The following MVB12B variants were observed in gnomAD, a reference collection of about 807,000 sequenced individuals.
The protein encoded by MVB12B is multivesicular body subunit 12B, also known as ESCRT-I complex subunit MVB12B.
A neutral mutation model predicts 41.6 loss-of-function variants in MVB12B; 16 were observed. The observed-to-expected ratio is 0.38, with a 90% CI of 0.26 to 0.58. The LOEUF (loss-of-function observed/expected upper bound fraction) is 0.58, where lower values mean the gene tolerates loss of function less well. MVB12B is among the 20% of genes least tolerant of loss of function. MVB12B has a pLI of 0.62. For missense variants in MVB12B, 274 were observed against 380.2 expected (o/e 0.72, Z 2.32); for synonymous variants, 133 against 139.7 (o/e 0.95, Z 0.34).
rs1833502321 is a variant in MVB12B at position 126,480,412 on chromosome 9, C to A, written c.758-957C>A. Among the ~76,000 whole-genome samples the A allele has an allele frequency of 6.6e-6, 1 of 152,188 alleles. No individual in the cohort carries two copies. ...CCTCAATGTGGCAGGATTTCCAGTC[C>A]TGGTGTGGCACCAGAGTCCTCCTCT... On this transcript the variant is annotated intron_variant, in intron 7 of 9. Coordinates refer to ENST00000361171, the MANE Select transcript of MVB12B (RefSeq NM_033446.3). The surrounding 1 kb of genome is among the most constrained non-coding windows in gnomAD (Gnocchi z 4.9).
rs1292639209 is a variant in MVB12B at position 126,504,055 on chromosome 9, C to T, written c.*792C>T. On this transcript the variant is annotated 3_prime_UTR_variant, in exon 10 of 10. Transcript: ENST00000361171. ...ATGCCAACAATAGCTCCAGGTGCCT[C>T]AGCCCCGTGCCCTGACCCGGGGACC... is the stretch of plus-strand genomic sequence containing the variant. The T allele has an allele frequency of 5.2e-5, 8 of 152,614 alleles. No individual in the cohort carries two copies. In the East Asian group the frequency reaches 1.5e-3, roughly 29 times the overall value. 9.5% of individuals were successfully genotyped at this position (152,614 alleles called of 1,614,324 possible).
At chr9:126,401,537 T>C (rs545866077) in intron 6 of MVB12B, among the ~76,000 whole-genome samples, 13 of 152,252 alleles carry the variant, frequency 8.5e-5, no homozygotes, top group Non-Finnish European at 1.9e-4. Context: ...AACTTTTGCA[T>C]GTCGATGTCA....
rs1831094822 is a variant in MVB12B, at chr9:126,395,739, A to G, written c.662+42A>G. Reference sequence around the variant, plus strand: ...GTGTCTTGCGTTGTCCTGTGGTCTTAGGTCCCTGCACAACATTTTAGAACA... The same window carrying G: ...GTGTCTTGCGTTGTCCTGTGGTCTTGGGTCCCTGCACAACATTTTAGAACA... On this transcript the variant is annotated intron_variant, in intron 6 of 9. Transcript: ENST00000361171. The surrounding 1 kb of genome is among the most constrained non-coding windows in gnomAD (Gnocchi z 4.9). 1 of 1,610,792 alleles carries G rather than the reference A, an allele frequency of 6.2e-7. No homozygotes were observed. The highest frequency in any genetic ancestry group is 8.5e-7 in the Non-Finnish European group (1 of 1,178,436).
At chr9:126,479,637 C>T (rs2119202839) in intron 7 of MVB12B, among the ~76,000 whole-genome samples, 1 of 152,318 alleles carries the variant, frequency 6.6e-6, no homozygotes, top group East Asian at 1.9e-4. Context: ...CAGCTCACAG[C>T]AGGTTGCCAG....
intron 2 of MVB12B, among the ~76,000 whole-genome samples, chr9:126,344,236 G>A (rs1829529174): frequency 6.6e-6 from 1 of 152,196 alleles, no homozygotes; most frequent in African/African-American, 2.4e-5. Flanking sequence ...ACACAGTCTG[G>A]AGGGGAAGAC....
intron 2 of MVB12B, among the ~76,000 whole-genome samples, chr9:126,370,273 T>A (rs1830299395): frequency 6.6e-6 from 1 of 152,112 alleles, no homozygotes; most frequent in South Asian, 2.1e-4. Context: ...TGTACTCCAC[T>A]CATTTTGTTG....
chr9:126,342,717 G>A (rs75914726), intron 2 of MVB12B, among the ~76,000 whole-genome samples: 1,620 of 152,230 alleles, frequency 0.011, 50 homozygotes, highest in East Asian at 0.065. Context: ...TAAGCGTCTC[G>A]TTCCCCAGAG....
At chr9:126,358,210 T>A (rs558043642) in intron 2 of MVB12B, among the ~76,000 whole-genome samples, 38 of 152,316 alleles carry the variant, frequency 2.5e-4, no homozygotes, top group Non-Finnish European at 4.7e-4. Context: ...ACTCTTTGAT[T>A]ACTGTAGCTT....
At chr9:126,492,437 C>T (rs1303311117) in intron 9 of MVB12B, among the ~76,000 whole-genome samples, 3 of 152,062 alleles carry the variant, frequency 2.0e-5, no homozygotes, top group East Asian at 1.9e-4. Flanking sequence ...TTGAACAGGG[C>T]GGGGCTATTG....
At chr9:126,341,591 G>C (rs1829446150) in intron 2 of MVB12B, among the ~76,000 whole-genome samples, 1 of 152,334 alleles carries the variant, frequency 6.6e-6, no homozygotes, top group African/African-American at 2.4e-5. Context: ...GTGATGCCTG[G>C]TCCAGCAGAA....
chr9:126,414,614 C>A (rs558136208), intron 6 of MVB12B, among the ~76,000 whole-genome samples: 1 of 152,234 alleles, frequency 6.6e-6, no homozygotes, highest in South Asian at 2.1e-4. Context: ...AAGGCCTTCA[C>A]CTCCTGGCAC....
intron 2 of MVB12B, among the ~76,000 whole-genome samples, chr9:126,374,174 T>C (rs1272398060): frequency 6.6e-6 from 1 of 152,220 alleles, no homozygotes; most frequent in Admixed American, 6.5e-5. Context: ...AACATGTCAA[T>C]AACGCTCATC....
chr9:126,487,239 C>T lies in MVB12B; in HGVS notation c.873+3207C>T, dbSNP rs1833638364. On this transcript the variant is annotated intron_variant, in intron 9 of 9. Coordinates refer to ENST00000361171, the MANE Select transcript of MVB12B (RefSeq NM_033446.3). ...TCTATGTGGGTTTAACTGCAAAGGTCCAGTGAATGGCCTGAACCAGTGCCT... is the reference window on the plus strand; with the variant it reads ...TCTATGTGGGTTTAACTGCAAAGGTTCAGTGAATGGCCTGAACCAGTGCCT... Among the ~76,000 whole-genome samples, 3 of 152,182 alleles carry T rather than the reference C, an allele frequency of 2.0e-5. No homozygotes were observed. In the South Asian group the frequency reaches 6.2e-4, roughly 31 times the overall value.
At chr9:126,491,517 A>C (rs923493561) in intron 9 of MVB12B, among the ~76,000 whole-genome samples, 4 of 152,264 alleles carry the variant, frequency 2.6e-5, no homozygotes, top group African/African-American at 9.6e-5. Flanking sequence ...AGCAGGAAAT[A>C]AGGTGCCTTT....
At chr9:126,403,895 G>A (rs1831339967) in intron 6 of MVB12B, among the ~76,000 whole-genome samples, 1 of 150,242 alleles carries the variant, frequency 6.7e-6, no homozygotes, top group African/African-American at 2.4e-5. Flanking sequence ...GACTTATCAT[G>A]CATTTATTAG....
At chr9:126,464,174 A>T (rs575565902) in intron 7 of MVB12B, among the ~76,000 whole-genome samples, 192 of 152,306 alleles carry the variant, frequency 1.3e-3, no homozygotes, top group African/African-American at 4.5e-3. Context: ...ATCCAGGCAG[A>T]TGATCGGAGC....
intron 1 of MVB12B, among the ~76,000 whole-genome samples, chr9:126,328,082 T>TA (rs1564274146): frequency 6.6e-6 from 1 of 152,276 alleles, no homozygotes; most frequent in Non-Finnish European, 1.5e-5. Flanking sequence ...CTTAGAGAGT[T>TA]AAAAAATAAG....
Position 126,497,195 on chromosome 9 carries a change from G to C in MVB12B, c.874-5982G>C, listed in dbSNP as rs139979940. ...GGGGCTGAACTGGCTGGAAGTGGGG[G>C]GCCCTAGAACCACATGGAACCAGCG... On this transcript the variant is annotated intron_variant, in intron 9 of 9. Transcript: ENST00000361171. 4.5e-3 allele frequency among the ~76,000 whole-genome samples: 690 copies of C among 152,202 alleles called. 7 individuals are homozygous for C. The highest frequency in any genetic ancestry group is 0.016 in the African/African-American group (665 of 41,530).
intron 4 of MVB12B, among the ~76,000 whole-genome samples, chr9:126,388,371 T>TGC (rs1830858193): frequency 1.3e-5 from 2 of 152,362 alleles, no homozygotes. Flanking sequence ...GATCATTACT[T>TGC]CATTCCTTCT....
Sources: gnomAD v4.1 joint callset for allele counts (sites outside exome capture counted in the v4.1 genomes callset) on GRCh38, gnomAD v4.1.1 for gene constraint, Gnocchi (gnomAD v3.1) non-coding constraint, MANE v1.5 for transcripts, NCBI Gene and HGNC (gene_info 2026-07-23, HGNC 2026-07-21) for gene names.